Variants in BCO1 observed in about 807,000 individuals in gnomAD.
BCO1 encodes beta,beta-carotene 15,15'-dioxygenase.
BCO1 carries 54 observed loss-of-function variants against 56.3 expected under a neutral mutation model. The observed-to-expected ratio is 0.96, with a 90% confidence interval of 0.77 to 1.20. BCO1 has a LOEUF of 1.20. BCO1 is among the 50% of genes most tolerant of loss of function. The pLI is 0.00. For missense variants in BCO1, 801 were observed against 690.9 expected (o/e 1.16, Z -1.79); for synonymous variants, 318 against 266.1 (o/e 1.20, Z -1.90).
Position 81,290,437 on chromosome 16 carries a change from C to G in BCO1, c.1504C>G (p.Arg502Gly). Residue 502 changes from arginine (R) to glycine (G), a missense_variant, in exon 11 of 11, where the codon CGT becomes GGT. Coordinates refer to ENST00000258168, the MANE Select transcript of BCO1 (RefSeq NM_017429.3). ...LDAKSFTELA[R>G]ASVDVDMHMD... ...TGCCAAAAGCTTTACGGAATTGGCC[C>G]GTGCCTCTGTTGATGTCGATATGCA... The G allele has an allele frequency of 6.2e-7, 1 of 1,614,134 alleles. No individual in the cohort carries two copies. Among genetic ancestry groups the G allele is most frequent in the Non-Finnish European group, 8.5e-7 (1 of 1,180,024 alleles).
chr16:81,251,865 C>A (rs1298739725), intron 2 of BCO1, among the ~76,000 whole-genome samples: 6 of 133,922 alleles, frequency 4.5e-5, no homozygotes, highest in Non-Finnish European at 7.7e-5. Context: ...CACACACACA[C>A]ACACATATAT....
intron 4 of BCO1, chr16:81,263,457 TCTTAA>T (rs1906624899): frequency 6.6e-6 from 1 of 152,326 alleles, no homozygotes; most frequent in East Asian, 1.9e-4. Flanking sequence ...TATGACCTCA[TCTTAA>T]CTTAATGACA....
chr16:81,241,007 T>C (rs1905081815), intron 1 of BCO1, among the ~76,000 whole-genome samples: 1 of 151,904 alleles, frequency 6.6e-6, no homozygotes, highest in Non-Finnish European at 1.5e-5. Context: ...GCTAATTTTG[T>C]ATTTTTAGCT....
chr16:81,262,689 G>A (rs1380888687), intron 4 of BCO1: 2 of 323,670 alleles, frequency 6.2e-6, no homozygotes, highest in Middle Eastern at 1.1e-3. Flanking sequence ...TTAGCCAGGC[G>A]TGGTGGCATG....
At chr16:81,239,012 ATT>A in intron 1 of BCO1, 40 bp downstream of exon 1, 2 of 1,524,994 alleles carry the variant, frequency 1.3e-6, no homozygotes, top group Non-Finnish European at 1.8e-6. Context: ...TCTTCTATTT[ATT>A]TTATTATTTT....
chr16:81,278,050 A>T (rs375971655), intron 7 of BCO1, among the ~76,000 whole-genome samples: 27 of 150,660 alleles, frequency 1.8e-4, no homozygotes, highest in African/African-American at 6.3e-4. Context: ...ATTTTATTTT[A>T]TTTTTTTTTG....
chr16:81,262,640 C>G (rs1248241908), intron 4 of BCO1: 1 of 338,498 alleles, frequency 3.0e-6, no homozygotes, highest in South Asian at 2.4e-5. Context: ...CCAGCCTGGC[C>G]AACATGGTGA....
At chr16:81,265,789 TCCA>T (rs1567454572) in intron 5 of BCO1, among the ~76,000 whole-genome samples, 121 of 97,080 alleles carry the variant, frequency 1.2e-3, no homozygotes, top group South Asian at 4.6e-3. Context: ...TTATCCACCA[TCCA>T]TCCATTGAGC....
chr16:81,264,188 A>G, intron 4 of BCO1: 1 of 261,622 alleles, frequency 3.8e-6, no homozygotes, highest in East Asian at 9.2e-5. Flanking sequence ...GTGCAATGCA[A>G]AAGGGCAGAA....
chr16:81,243,725 C>T (rs901810475), intron 1 of BCO1, among the ~76,000 whole-genome samples: 8 of 152,170 alleles, frequency 5.3e-5, no homozygotes, highest in African/African-American at 1.7e-4. Flanking sequence ...TGCCTCACCT[C>T]CCAAAGTGCT....
Position 81,290,543 on chromosome 16 carries a change from G to A in BCO1, c.1610G>A (p.Arg537Lys), listed in dbSNP as rs75043910. ...GCCGCTTCTGAGGAACAGCGGGACA[G>A]GGCTTCCGACTGCCACGGGGCTCCT... The part of the protein sequence containing the change: ...KQAASEEQRD[R>K]ASDCHGAPLT The change falls in exon 11 of 11, where the codon AGG becomes AAG. Residue 537 changes from arginine to lysine, a missense_variant. By Grantham distance (26) the Arg-to-Lys change is conservative (BLOSUM62 2). Transcript: ENST00000258168. 2,572 of 1,614,034 alleles carry A rather than the reference G, an allele frequency of 1.6e-3. 34 individuals carry two copies. In the African/African-American group the frequency reaches 0.028, roughly 18 times the overall value.
At chr16:81,255,348 C>T (rs1391826698) in intron 2 of BCO1, among the ~76,000 whole-genome samples, 1 of 152,140 alleles carries the variant, frequency 6.6e-6, no homozygotes, top group Non-Finnish European at 1.5e-5. Flanking sequence ...CCTCTCTGTG[C>T]CTCAATTTTA....
chr16:81,275,957 G>C (rs1264909098), intron 7 of BCO1, among the ~76,000 whole-genome samples: 1 of 152,216 alleles, frequency 6.6e-6, no homozygotes, highest in Non-Finnish European at 1.5e-5. Flanking sequence ...TGGGTCATCT[G>C]GACCTTGGCC....
At chr16:81,287,078 A>C (rs1567467338) in intron 9 of BCO1, among the ~76,000 whole-genome samples, 1 of 150,972 alleles carries the variant, frequency 6.6e-6, no homozygotes, top group Non-Finnish European at 1.5e-5. Context: ...TCCGTCTCAA[A>C]AAACAAACAA....
chr16:81,269,377 A>C (rs1907044625), intron 6 of BCO1, among the ~76,000 whole-genome samples: 2 of 151,206 alleles, frequency 1.3e-5, no homozygotes, highest in African/African-American at 4.9e-5. Context: ...AGTTCACTGT[A>C]ACCTCCGCCT....
In BCO1 at chr16:81,289,401, G is replaced by A. The variant is rs543043009; in HGVS notation, c.1415-947G>A. 1.2e-4 allele frequency among the ~76,000 whole-genome samples: 18 copies of A among 152,268 alleles called. No homozygotes were observed. The South Asian group carries it at 3.5e-3, about 30-fold the overall frequency. ...TTCATGCCTGTAATCCCAGCACTTG[G>A]GAGGTCAAGGTAGGCAGATCGCTTG... On this transcript the variant is annotated intron_variant, in intron 10 of 10. Coordinates refer to ENST00000258168, the MANE Select transcript of BCO1 (RefSeq NM_017429.3).
chr16:81,245,348 G>A, intron 1 of BCO1, 127 bp from the exon 2 acceptor site: 1 of 1,407,486 alleles, frequency 7.1e-7, no homozygotes, highest in Non-Finnish European at 1.0e-6. Flanking sequence ...AATGACTGTA[G>A]AATAAACGAA....
intron 2 of BCO1, among the ~76,000 whole-genome samples, chr16:81,253,403 C>G (rs1473394946): frequency 6.6e-6 from 1 of 152,190 alleles, no homozygotes; most frequent in Non-Finnish European, 1.5e-5. Flanking sequence ...GTGGAGGGGA[C>G]AGATTCTTGA....
At chr16:81,288,061 G>A (rs1030629491) in intron 10 of BCO1, among the ~76,000 whole-genome samples, 1 of 152,064 alleles carries the variant, frequency 6.6e-6, no homozygotes, top group Non-Finnish European at 1.5e-5. Context: ...AAGGCCCCCA[G>A]GTATACAAAG....
Sources: allele counts gnomAD v4.1 joint callset (sites outside exome capture counted in the v4.1 genomes callset), GRCh38; gene constraint gnomAD v4.1.1; transcripts MANE v1.5; gene names NCBI Gene and HGNC (gene_info 2026-07-23, HGNC 2026-07-21).